PRSS48: variants seen among roughly 807,000 people sequenced by gnomAD.
PRSS48 encodes serine protease 48, also known as epidermis-specific serine protease-like protein.
A neutral mutation model predicts 25.6 loss-of-function variants in PRSS48; 21 were observed. That is an observed-to-expected ratio of 0.82 (90% CI 0.58 to 1.18). The LOEUF (loss-of-function observed/expected upper bound fraction) is 1.18. Ranked by LOEUF, PRSS48 falls within the 50% of genes most tolerant of loss-of-function variation. The probability of loss-of-function intolerance (pLI) is 0.00; values close to 1 mark genes in which losing one functional copy is unlikely to be tolerated. For synonymous variants in PRSS48, 150 were observed against 149.3 expected, an observed-to-expected ratio of 1.00 and a Z score of -0.04; for missense variants, 373 against 399.3, an observed-to-expected ratio of 0.93 and a Z score of 0.56.
chr4:151,281,019 A>G (rs1774170412), intron 2 of PRSS48, among the ~76,000 whole-genome samples: 1 of 152,138 alleles, frequency 6.6e-6, no homozygotes. Context: ...ATAAAGGGGG[A>G]AAAACAGGAA....
At chr4:151,280,514 T>C (rs561374554) in intron 2 of PRSS48, among the ~76,000 whole-genome samples, 11 of 152,318 alleles carry the variant, frequency 7.2e-5, no homozygotes, top group African/African-American at 2.4e-4. Flanking sequence ...ATAAAAACTA[T>C]GAGATAAATA....
intron 2 of PRSS48, among the ~76,000 whole-genome samples, chr4:151,281,299 A>G (rs1254174941): frequency 1.3e-5 from 2 of 152,244 alleles, no homozygotes; most frequent in South Asian, 2.1e-4. Context: ...GAGCCCACTT[A>G]TCAACTCCAG....
At position 151,277,201 on chromosome 4, in the gene PRSS48, TG is replaced by T; in HGVS notation, c.30del (p.Leu11SerfsTer19). 6.7e-7 allele frequency: 1 copy of T among 1,501,940 alleles called. No homozygotes were observed. The highest frequency in any genetic ancestry group is 1.3e-5 in the South Asian group (1 of 74,996). The allele number at this position is 1,501,940 out of a possible 1,614,324, so 93.0% of individuals were successfully genotyped here. A position where few individuals can be genotyped will look rare whatever the true frequency, so the allele number is the denominator to read the frequency against. On this transcript the variant is annotated frameshift_variant, in exon 1 of 5. Transcript: ENST00000455694. LOFTEE classifies it high-confidence loss of function. The stretch of plus-strand genomic sequence containing the variant: ...GGCCCTGCTGGCTGTGCCTTCACGC[TG>T]CTCCTTCTGCTGGGGATCTCAGGTG...
At chr4:151,282,382 G>A in exon 3 of PRSS48, 1 of 1,613,888 alleles carries the variant, frequency 6.2e-7, no homozygotes, top group Non-Finnish European at 8.5e-7. Flanking sequence ...TTTGTTGGGT[G>A]ACCGGATGGG....
exon 5 of PRSS48, chr4:151,291,157 G>A: frequency 6.2e-7 from 1 of 1,613,704 alleles, no homozygotes; most frequent in Non-Finnish European, 8.5e-7. Flanking sequence ...CATTGATGGT[G>A]TATGGATCCA....
intron 4 of PRSS48, among the ~76,000 whole-genome samples, chr4:151,289,762 A>G (rs973006286): frequency 3.3e-5 from 5 of 152,182 alleles, no homozygotes; most frequent in Admixed American, 3.3e-4. Flanking sequence ...ATGACCAAGA[A>G]AGATAAAAAT....
intron 4 of PRSS48, among the ~76,000 whole-genome samples, chr4:151,286,588 TGCATTTGTGATTA>T (rs1206380212): frequency 1.3e-5 from 2 of 149,686 alleles, no homozygotes; most frequent in Non-Finnish European, 3.0e-5. Flanking sequence ...GTAAAGAGAT[TGCATTTGTGATTA>T]AAAAAAAAAA....
At chr4:151,283,943 G>C (rs1242176420) in intron 4 of PRSS48, among the ~76,000 whole-genome samples, 1 of 152,098 alleles carries the variant, frequency 6.6e-6, no homozygotes. Context: ...GCCATTATTT[G>C]CATCGTCATT....
chr4:151,283,213 C>G (rs1461091478), exon 4 of PRSS48: 1 of 1,613,866 alleles, frequency 6.2e-7, no homozygotes, highest in East Asian at 2.2e-5. Context: ...ATCTTCTTGC[C>G]AGCACTGGAG....
At chr4:151,288,320 G>A (rs1176140734) in intron 4 of PRSS48, among the ~76,000 whole-genome samples, 3 of 152,106 alleles carry the variant, frequency 2.0e-5, no homozygotes, top group Non-Finnish European at 4.4e-5. Flanking sequence ...AGATTGCAAA[G>A]AAACAGTAAA....
chr4:151,277,711 T>C (rs1435860020), intron 1 of PRSS48, among the ~76,000 whole-genome samples: 1 of 152,084 alleles, frequency 6.6e-6, no homozygotes, highest in Non-Finnish European at 1.5e-5. Context: ...GGTATATGCT[T>C]GTTCATTTAT....
At chr4:151,287,953 T>C (rs1449979745) in intron 4 of PRSS48, among the ~76,000 whole-genome samples, 1 of 152,112 alleles carries the variant, frequency 6.6e-6, no homozygotes, top group Non-Finnish European at 1.5e-5. Context: ...CCAGGAAACT[T>C]AGGTTGGTTT....
chr4:151,277,283 T>C, intron 1 of PRSS48, 59 bp downstream of exon 1: 1 of 1,356,698 alleles, frequency 7.4e-7, no homozygotes, highest in Non-Finnish European at 9.9e-7. Flanking sequence ...AAAGAGGGCA[T>C]CACATAGAAC....
At chr4:151,283,733 A>G (rs752739289) in intron 4 of PRSS48, among the ~76,000 whole-genome samples, 3 of 152,194 alleles carry the variant, frequency 2.0e-5, no homozygotes, top group South Asian at 4.2e-4. Flanking sequence ...TATGTTGCCC[A>G]GGCTGATCCC....
At chr4:151,282,837 G>C (rs1207640095) in intron 3 of PRSS48, among the ~76,000 whole-genome samples, 2 of 152,026 alleles carry the variant, frequency 1.3e-5, no homozygotes, top group Non-Finnish European at 2.9e-5. Context: ...GAATCCTTTA[G>C]AATAGTCATA....
At chr4:151,283,049 C>T in intron 3 of PRSS48, 68 bp from the exon 4 acceptor site, 1 of 1,466,112 alleles carries the variant, frequency 6.8e-7, no homozygotes, top group South Asian at 1.2e-5. Context: ...TTCTGCACAT[C>T]ATGACTGAAT....
intron 4 of PRSS48, 70 bp downstream of exon 4, chr4:151,283,356 G>A: frequency 7.1e-7 from 1 of 1,409,416 alleles, no homozygotes; most frequent in Non-Finnish European, 9.9e-7. Flanking sequence ...TTTCCTATCT[G>A]TAAATAACAG....
chr4:151,286,184 G>GAAAAAAAAAAAAAA (rs56850648), intron 4 of PRSS48, among the ~76,000 whole-genome samples: 6 of 86,628 alleles, frequency 6.9e-5, no homozygotes, highest in Non-Finnish European at 1.0e-4. Context: ...CTGTCTTAAA[G>GAAAAAAAAAAAAAA]AAAAAAAAAA....
intron 4 of PRSS48, among the ~76,000 whole-genome samples, chr4:151,286,886 A>T (rs1353151277): frequency 6.6e-6 from 1 of 151,778 alleles, no homozygotes; most frequent in Non-Finnish European, 1.5e-5. Flanking sequence ...AGGCTGAGGC[A>T]TGAGAATCAC....
Sources: gnomAD v4.1 joint callset for allele counts (sites outside exome capture counted in the v4.1 genomes callset) on GRCh38, gnomAD v4.1.1 for gene constraint, MANE v1.5 for transcripts, NCBI Gene and HGNC (gene_info 2026-07-23, HGNC 2026-07-21) for gene names.